Variants in XIRP2 observed in about 807,000 individuals in gnomAD.
XIRP2 encodes the protein xin actin binding repeat containing 2.
Under a neutral mutation model 277.0 loss-of-function variants are expected in XIRP2, and 236 were observed. The observed-to-expected ratio is 0.85, with a 90% CI of 0.77 to 0.95. The LOEUF (loss-of-function observed/expected upper bound fraction) is 0.95, where lower values mean the gene tolerates loss of function less well. XIRP2 is among the 40% of genes least tolerant of loss of function. XIRP2 has a pLI of 0.00. For missense variants in XIRP2, 4,640 were observed against 4,157.5 expected (o/e 1.12, Z -3.19); for synonymous variants, 1,490 against 1,416.5 (o/e 1.05, Z -1.17).
chr2:166,936,489 T>C (rs984576180), intron 2 of XIRP2, among the ~76,000 whole-genome samples: 6 of 152,368 alleles, frequency 3.9e-5, no homozygotes, highest in African/African-American at 1.4e-4. Context: ...TCCTTGCCCA[T>C]GCCTATGTCC....
chr2:166,937,189 C>G (rs1685543097), intron 2 of XIRP2, among the ~76,000 whole-genome samples: 1 of 152,154 alleles, frequency 6.6e-6, no homozygotes, highest in Non-Finnish European at 1.5e-5. Flanking sequence ...GGAATGCTTC[C>G]AGTTTTTTCC....
chr2:167,004,475 A>G (rs1687454634), intron 2 of XIRP2, among the ~76,000 whole-genome samples: 1 of 151,918 alleles, frequency 6.6e-6, no homozygotes, highest in South Asian at 2.1e-4. Context: ...AATGCAGCTA[A>G]GAACTTTAGA....
intron 2 of XIRP2, among the ~76,000 whole-genome samples, chr2:167,088,022 G>T (rs865797668): frequency 6.6e-6 from 1 of 152,084 alleles, no homozygotes; most frequent in Non-Finnish European, 1.5e-5. Context: ...AAGTTTGTAA[G>T]CCATTGGTCA....
intron 2 of XIRP2, among the ~76,000 whole-genome samples, chr2:167,120,148 C>T (rs914715178): frequency 6.6e-5 from 10 of 152,068 alleles, no homozygotes; most frequent in African/African-American, 1.2e-4. Flanking sequence ...AGTGCAGAAA[C>T]GAGGATTCTC....
intron 1 of XIRP2, among the ~76,000 whole-genome samples, chr2:166,892,797 A>G (rs1252307713): frequency 7.9e-6 from 1 of 126,660 alleles, no homozygotes; most frequent in African/African-American, 3.2e-5. Context: ...CTCAGAGATC[A>G]TTTCATAGAA....
Position 167,246,965 on chromosome 2 carries a change from C to T in XIRP2, c.5573C>T (p.Thr1858Met), listed in dbSNP as rs111536641. ...LSQAVNQKTV[T>M]KTEEIIKGNM... Reference sequence around the variant, plus strand: ...CAGGCTGTAAATCAGAAAACAGTGACGAAAACAGAAGAAATTATAAAAGGT... The same window carrying T: ...CAGGCTGTAAATCAGAAAACAGTGATGAAAACAGAAGAAATTATAAAAGGT... Residue 1858 changes from threonine to methionine, a missense_variant, in exon 9 of 11, where the codon ACG becomes ATG. Thr to Met is a moderately conservative substitution (Grantham distance 81). Transcript: ENST00000409195. 82 of 1,613,310 alleles carry T rather than the reference C, an allele frequency of 5.1e-5. No individual in the cohort carries two copies. The highest frequency in any genetic ancestry group is 4.9e-4 in the Middle Eastern group (3 of 6,062).
chr2:167,207,338 G>A (rs374957597), intron 3 of XIRP2, among the ~76,000 whole-genome samples: 5 of 152,034 alleles, frequency 3.3e-5, no homozygotes, highest in Admixed American at 2.0e-4. Flanking sequence ...TATATAAATT[G>A]TAAAATTAGG....
chr2:167,244,386 T>C lies in XIRP2; in HGVS notation c.2994T>C (p.Tyr998=), dbSNP rs1695178418. The C allele has an allele frequency of 1.2e-6, 2 of 1,613,472 alleles. No individual in the cohort carries two copies. The highest frequency in any genetic ancestry group is 1.3e-5 in the African/African-American group (1 of 74,998). The change falls in exon 9 of 11, where the codon TAT becomes TAC. Residue 998 remains tyrosine (Y), a synonymous_variant. Transcript: ENST00000409195. The part of the protein sequence containing the change: ...LYAIQDPLGK[Y]HQVKTVQQEE... ...CCATTCAAGATCCCCTTGGAAAATA[T>C]CATCAAGTAAAGACAGTCCAGCAAG... is the stretch of plus-strand genomic sequence containing the variant.
In XIRP2 at chr2:167,103,158, G is replaced by A. The variant is rs1462586313; in HGVS notation, c.409-32751G>A. ...TGTCTCAAAAAAGGAAAGGAAGGAA[G>A]AAAGAAAGGAAGGAGGGAAGGGAGG... On this transcript the variant is annotated intron_variant, in intron 2 of 10. Transcript: ENST00000409195. 2.0e-5 allele frequency among the ~76,000 whole-genome samples: 3 copies of A among 151,612 alleles called. No individual in the cohort carries two copies. The East Asian group carries it at 5.8e-4, about 29-fold the overall frequency.
In XIRP2 at chr2:167,030,965, G is replaced by A. The variant is rs915740199; in HGVS notation, c.409-104944G>A. ...CATAACGGCCTTCTTTGTGTTTCTTGATCTTTGTTGGTTTCAAGTCTGTTT... is the reference window on the plus strand; with the variant it reads ...CATAACGGCCTTCTTTGTGTTTCTTAATCTTTGTTGGTTTCAAGTCTGTTT... On this transcript the variant is annotated intron_variant, in intron 2 of 10. Coordinates refer to ENST00000409195, the MANE Select transcript of XIRP2 (RefSeq NM_152381.6). Among the ~76,000 whole-genome samples, 3 of 149,508 alleles carry A rather than the reference G, an allele frequency of 2.0e-5. No individual in the cohort carries two copies. In the South Asian group the frequency reaches 6.3e-4, roughly 31 times the overall value.
chr2:167,245,573 A>G lies in XIRP2; in HGVS notation c.4181A>G (p.Gln1394Arg), dbSNP rs536860470. The G allele has an allele frequency of 1.2e-6, 2 of 1,613,702 alleles. No homozygotes were observed. The highest frequency in any genetic ancestry group is 1.7e-5 in the Admixed American group (1 of 59,992). ...TCTGTCAGATACAGATTTGAAACTC[A>G]GCCACTGGATCAGATTTCTGAAGAA... ...VSSVRYRFET[Q>R]PLDQISEESH... is the part of the protein sequence containing the mutation. The change falls in exon 9 of 11, where the codon CAG (glutamine) becomes CGG (arginine). Residue 1394 changes from glutamine to arginine, a missense_variant. Physicochemically the swap from Gln to Arg is conservative, Grantham distance 43. Transcript: ENST00000409195.
intron 4 of XIRP2, among the ~76,000 whole-genome samples, chr2:167,215,034 G>A (rs1159005289): frequency 6.6e-6 from 1 of 152,176 alleles, no homozygotes; most frequent in African/African-American, 2.4e-5. Context: ...ATAGTTGTTT[G>A]AAACAGCAAG....
intron 2 of XIRP2, among the ~76,000 whole-genome samples, chr2:166,920,822 G>A (rs1685018057): frequency 6.6e-6 from 1 of 151,998 alleles, no homozygotes; most frequent in African/African-American, 2.4e-5. Context: ...AATATAGGCT[G>A]GGTGAACTGT....
chr2:166,914,013 C>G (rs574319514), intron 2 of XIRP2, among the ~76,000 whole-genome samples: 50 of 152,228 alleles, frequency 3.3e-4, no homozygotes, highest in African/African-American at 1.1e-3. Flanking sequence ...AGTATGTTAT[C>G]CAACATGTCA....
intron 2 of XIRP2, among the ~76,000 whole-genome samples, chr2:167,127,904 G>A (rs1024444222): frequency 3.9e-5 from 6 of 152,182 alleles, no homozygotes; most frequent in African/African-American, 1.4e-4. Context: ...TCCCCCTGGG[G>A]GTTCATCCAG....
At chr2:166,892,626 T>C (rs996206912) in intron 1 of XIRP2, among the ~76,000 whole-genome samples, 3 of 151,950 alleles carry the variant, frequency 2.0e-5, no homozygotes, top group South Asian at 2.1e-4. Flanking sequence ...TGAATTTCAG[T>C]AAAAGGCCTT....
In XIRP2 at chr2:167,246,910, G is replaced by A; in HGVS notation, c.5518G>A (p.Asp1840Asn). ...KIPKEEIIKG[D>N]LTSTLNSLSQ... ...ACCCAAAGAAGAGATTATAAAAGGT[G>A]ATTTGACATCAACCCTAAATTCCCT... Residue 1840 changes from aspartate (D) to asparagine (N), a missense_variant, in exon 9 of 11, where the codon GAT (aspartate) becomes AAT (asparagine). By Grantham distance (23) the Asp-to-Asn change is conservative. Transcript: ENST00000409195. 1 of 1,613,284 alleles carries A rather than the reference G, an allele frequency of 6.2e-7. No homozygotes were observed. Among genetic ancestry groups the A allele is most frequent in the Non-Finnish European group, 8.5e-7 (1 of 1,179,804 alleles).
chr2:167,060,507 T>G (rs1558965287), intron 2 of XIRP2, among the ~76,000 whole-genome samples: 1 of 152,186 alleles, frequency 6.6e-6, no homozygotes, highest in Non-Finnish European at 1.5e-5. Flanking sequence ...TGATTAATTT[T>G]GAGGGGTTTT....
At chr2:167,133,046 T>C (rs1293898317) in intron 2 of XIRP2, among the ~76,000 whole-genome samples, 11 of 152,156 alleles carry the variant, frequency 7.2e-5, no homozygotes. Context: ...CCAAGAACAT[T>C]TGAGAAAACT....
Sources: gnomAD v4.1 joint callset for allele counts (sites outside exome capture counted in the v4.1 genomes callset) on GRCh38, gnomAD v4.1.1 for gene constraint, MANE v1.5 for transcripts, NCBI Gene and HGNC (gene_info 2026-07-23, HGNC 2026-07-21) for gene names.